Variants in C2orf74 observed in about 807,000 individuals in gnomAD.
C2orf74 encodes uncharacterized protein C2orf74.
C2orf74 carries 14 observed loss-of-function variants against 17.9 expected under a neutral mutation model. The ratio of observed to expected loss-of-function variants is 0.78; its 90% CI spans 0.52 to 1.22. The LOEUF is 1.22. C2orf74 is among the 50% of genes most tolerant of loss of function. C2orf74 has a pLI of 0.00. For missense variants in C2orf74, 217 were observed against 218.4 expected (o/e 0.99, Z 0.04); for synonymous variants, 79 against 72.6 (o/e 1.09, Z -0.44).
At chr2:61,149,867 C>G (rs1346334547) in intron 1 of C2orf74, among the ~76,000 whole-genome samples, 1 of 152,122 alleles carries the variant, frequency 6.6e-6, no homozygotes, top group Non-Finnish European at 1.5e-5. Context: ...GCATGAGCCA[C>G]CGCACGTAGA....
At position 61,162,453 on chromosome 2, in the gene C2orf74, C is replaced by G. The variant is rs1338594009; in HGVS notation, c.-62C>G. The G allele has an allele frequency of 1.6e-6, 2 of 1,234,882 alleles. No homozygotes were observed. The highest frequency in any genetic ancestry group is 2.8e-5 in the South Asian group (2 of 72,380). The allele number at this position is 1,234,882 out of a possible 1,614,324, so 76.5% of individuals were successfully genotyped here. A position where few individuals can be genotyped will look rare whatever the true frequency, so the allele number is the denominator to read the frequency against. On this transcript the variant is annotated 5_prime_UTR_variant, in exon 2 of 5. Coordinates refer to ENST00000432605, the MANE Select transcript of C2orf74 (RefSeq NM_001143959.4). ...ACAAGAGAACTGCATTCAAATTGAG[C>G]TGGAAAAGAATATTTGGACAGTCTG... is the stretch of plus-strand genomic sequence containing the variant.
At chr2:61,152,664 CATG>C (rs1452444098) in intron 1 of C2orf74, among the ~76,000 whole-genome samples, 101 of 149,926 alleles carry the variant, frequency 6.7e-4, no homozygotes, top group African/African-American at 2.4e-3. Flanking sequence ...GCCTGGGCAA[CATG>C]GTGAAACCCC....
chr2:61,163,253 CAA>C, intron 4 of C2orf74, 21 bp downstream of exon 4: 2 of 1,544,500 alleles, frequency 1.3e-6, no homozygotes, highest in Non-Finnish European at 1.7e-6. Context: ...TTTCTACTCT[CAA>C]AGAGCAGTTT....
chr2:61,151,284 C>CT (rs1459289621), intron 1 of C2orf74: 2 of 142,608 alleles, frequency 1.4e-5, no homozygotes, highest in African/African-American at 5.3e-5. Context: ...CCACTGCACT[C>CT]TAGCCTGGGT....
intron 1 of C2orf74, among the ~76,000 whole-genome samples, chr2:61,150,677 C>T (rs1685199253): frequency 6.6e-6 from 1 of 152,156 alleles, no homozygotes; most frequent in South Asian, 2.1e-4. Flanking sequence ...CTGCACACCA[C>T]ATAGGGCCAG....
upstream of C2orf74, chr2:61,157,827 C>T (rs909070664): frequency 2.1e-6 from 1 of 467,992 alleles, no homozygotes; most frequent in Non-Finnish European, 4.4e-6. Context: ...CGTGCTCACT[C>T]ATCCTGTAAT....
intron 1 of C2orf74, among the ~76,000 whole-genome samples, chr2:61,150,813 T>A (rs1203321848): frequency 6.6e-6 from 1 of 152,194 alleles, no homozygotes; most frequent in Non-Finnish European, 1.5e-5. Context: ...ATCTCAAGAT[T>A]GGCTACTTTG....
intron 4 of C2orf74, 91 bp downstream of exon 4, chr2:61,163,323 T>C: frequency 2.2e-6 from 3 of 1,373,106 alleles, no homozygotes; most frequent in Non-Finnish European, 2.9e-6. Context: ...TAATAGGAGA[T>C]GGAGGACCGG....
intron 4 of C2orf74, 35 bp downstream of exon 4, chr2:61,163,267 G>A (rs1321603325): frequency 4.6e-6 from 7 of 1,533,110 alleles, no homozygotes; most frequent in East Asian, 2.4e-5. Context: ...GAGCAGTTTA[G>A]AATTTGTTTG....
Position 61,162,620 on chromosome 2 carries a change from A to G in C2orf74, c.95+11A>G, listed in dbSNP as rs1018604237. 10 of 1,450,966 alleles carry G rather than the reference A, an allele frequency of 6.9e-6. No homozygotes were observed. The highest frequency in any genetic ancestry group is 2.0e-5 in the Admixed American group (1 of 49,954). The allele number at this position is 1,450,966 out of a possible 1,614,324, so 89.9% of individuals were successfully genotyped here. ...TTTTTTATATAAATGGTATAAATCCATGCTGATAATTGGGATCAGATTTCA... is the reference window on the plus strand; with the variant it reads ...TTTTTTATATAAATGGTATAAATCCGTGCTGATAATTGGGATCAGATTTCA... On this transcript the variant is annotated intron_variant, in intron 2 of 4. Transcript: ENST00000432605.
chr2:61,157,085 G>C (rs1205445868), intron 1 of C2orf74, among the ~76,000 whole-genome samples: 1 of 152,174 alleles, frequency 6.6e-6, no homozygotes, highest in Non-Finnish European at 1.5e-5. Flanking sequence ...GCCCAGGCTG[G>C]AGTGCAGTGG....
In C2orf74 at chr2:61,152,689, A is replaced by G. The variant is rs1685266228; in HGVS notation, c.-122+7493A>G. Among the ~76,000 whole-genome samples, 6 of 150,936 alleles carry G rather than the reference A, an allele frequency of 4.0e-5. No individual in the cohort carries two copies. The South Asian group carries it at 1.3e-3, about 32-fold the overall frequency. ...CATGGTGAAACCCCATCTCTACTAA[A>G]AATACAAAATTAGCTGGGCGTGGTG... On this transcript the variant is annotated intron_variant, in intron 1 of 3. Coordinates refer to the C2orf74 transcript ENST00000426997.
Position 61,163,090 on chromosome 2 carries a change from G to T in C2orf74, c.248G>T (p.Arg83Met). ...GTCATGAACTTGAATGTGCCGATGA[G>T]GCCTGGCATTCTTGTCCAGAGACAG... ...MQVMNLNVPMRPGILVQRQSK... is the reference protein window; with the variant it reads ...MQVMNLNVPMMPGILVQRQSK... The change falls in exon 4 of 5, where the codon AGG (arginine) becomes ATG (methionine). Residue 83 changes from arginine (R) to methionine (M), a missense_variant. Transcript: ENST00000432605. The T allele has an allele frequency of 6.4e-7, 1 of 1,552,148 alleles. No homozygotes were observed.
rs1685616744 is a variant in C2orf74 at position 61,163,111 on chromosome 2, G to C, written c.269G>C (p.Arg90Thr). ...ATGAGGCCTGGCATTCTTGTCCAGA[G>C]ACAGAGTAAGGAAGTGTTGGCCACA... Reference protein sequence around the residue: ...VPMRPGILVQRQSKEVLATPL... With the variant: ...VPMRPGILVQTQSKEVLATPL... The change falls in exon 4 of 5, where the codon AGA (arginine) becomes ACA (threonine). Residue 90 changes from arginine (R) to threonine (T), a missense_variant. Arg to Thr is a moderately conservative substitution (Grantham distance 71). Transcript: ENST00000432605. The C allele has an allele frequency of 1.3e-6, 2 of 1,552,188 alleles. No individual in the cohort carries two copies. The highest frequency in any genetic ancestry group is 4.9e-5 in the East Asian group (2 of 41,066).
intron 1 of C2orf74, among the ~76,000 whole-genome samples, chr2:61,156,799 T>A (rs1222029406): frequency 6.6e-6 from 1 of 151,946 alleles, no homozygotes; most frequent in Non-Finnish European, 1.5e-5. Context: ...GCAGGAGGAT[T>A]GCTTGAGCCC....
upstream of C2orf74, among the ~76,000 whole-genome samples, chr2:61,157,243 G>A (rs961952844): frequency 8.5e-5 from 13 of 152,152 alleles, no homozygotes; most frequent in Admixed American, 8.5e-4. Flanking sequence ...GTTTTACCAT[G>A]TTGGCCAGGC....
intron 4 of C2orf74, among the ~76,000 whole-genome samples, chr2:61,163,433 G>A (rs373038583): frequency 5.3e-5 from 8 of 151,860 alleles, no homozygotes; most frequent in East Asian, 1.9e-4. Context: ...GTGAAACCCC[G>A]TCTCTACTAA....
chr2:61,163,807 T>A (rs1334942866), intron 4 of C2orf74, among the ~76,000 whole-genome samples: 1 of 152,072 alleles, frequency 6.6e-6, no homozygotes, highest in Non-Finnish European at 1.5e-5. Context: ...TTCTTAATAA[T>A]TCCCCTTCAG....
chr2:61,162,788 C>T, intron 2 of C2orf74, 54 bp from the exon 3 acceptor site: 1 of 1,432,916 alleles, frequency 7.0e-7, no homozygotes, highest in Non-Finnish European at 9.6e-7. Flanking sequence ...TATACCACAC[C>T]TTAAAATCAG....
Sources: gnomAD v4.1 joint callset for allele counts (sites outside exome capture counted in the v4.1 genomes callset) on GRCh38, gnomAD v4.1.1 for gene constraint, MANE v1.5 for transcripts, NCBI Gene and HGNC (gene_info 2026-07-23, HGNC 2026-07-21) for gene names.